Variants in PKD1L3 observed in about 807,000 individuals in gnomAD.
PKD1L3 encodes polycystin-1-like protein 3.
Under a neutral mutation model 184.1 loss-of-function variants are expected in PKD1L3, and 239 were observed. That is an observed-to-expected ratio of 1.30 (90% CI 1.17 to 1.45). The LOEUF is 1.45. Ranked by LOEUF, PKD1L3 falls within the 40% of genes most tolerant of loss-of-function variation. The pLI, the probability that PKD1L3 is intolerant of heterozygous loss-of-function variation, is 0.00. For missense variants in PKD1L3, 2,660 were observed against 2,067.2 expected (o/e 1.29, Z -5.56); for synonymous variants, 996 against 778.8 (o/e 1.28, Z -4.64).
At chr16:71,967,563 G>T (rs1466052497) in intron 14 of PKD1L3, among the ~76,000 whole-genome samples, 1 of 152,066 alleles carries the variant, frequency 6.6e-6, no homozygotes, top group African/African-American at 2.4e-5. Context: ...CTCCCAAGTT[G>T]AAGCAATTTT....
chr16:71,985,675 C>T (rs2040331464), intron 5 of PKD1L3, among the ~76,000 whole-genome samples: 1 of 152,196 alleles, frequency 6.6e-6, no homozygotes, highest in Non-Finnish European at 1.5e-5. Flanking sequence ...TTACGTGATC[C>T]TCCACCTCGG....
At chr16:71,945,981 G>A (rs1026379366) in intron 22 of PKD1L3, among the ~76,000 whole-genome samples, 3 of 152,098 alleles carry the variant, frequency 2.0e-5, no homozygotes, top group Non-Finnish European at 4.4e-5. Flanking sequence ...TTTTTGAGAC[G>A]AAGTTCCGCT....
intron 19 of PKD1L3, 123 bp from the exon 20 acceptor site, chr16:71,950,433 G>A (rs2038786286): frequency 1.2e-6 from 1 of 826,940 alleles, no homozygotes; most frequent in East Asian, 2.7e-5. Context: ...AGCAGAGATT[G>A]GACCGTACCC....
Position 71,979,925 on chromosome 16 carries a change from G to A in PKD1L3, c.1272-13C>T. 1 of 1,550,842 alleles carries A rather than the reference G, an allele frequency of 6.4e-7. No homozygotes were observed. The highest frequency in any genetic ancestry group is 8.7e-7 in the Non-Finnish European group (1 of 1,146,850). On this transcript the variant is annotated splice_polypyrimidine_tract_variant and intron_variant, in intron 8 of 29. Coordinates refer to ENST00000620267, the MANE Select transcript of PKD1L3 (RefSeq NM_181536.2). ...TGATATGTTTTGTCTAATGAGAAAA[G>A]TTAAAATGGAAGTCAATTTTTGTGT...
At position 71,935,461 on chromosome 16, in the gene PKD1L3, C is replaced by G. The variant is rs779281816; in HGVS notation, c.4510G>C (p.Asp1504His). The G allele has an allele frequency of 6.4e-6, 10 of 1,552,014 alleles. No homozygotes were observed. In the Admixed American group the frequency reaches 1.2e-4, roughly 18 times the overall value. ...RFFTGKRNILDTSIILISFIL... is the reference protein window; with the variant it reads ...RFFTGKRNILHTSIILISFIL... ...AAGCTAATGAGGATTATACTTGTGT[C>G]CAGAATGTTTCTTTTCCCAGTGAAG... is the stretch of plus-strand genomic sequence containing the variant. Residue 1504 changes from aspartate (D) to histidine (H), a missense_variant, in exon 26 of 30, where the codon GAC becomes CAC. Coordinates refer to ENST00000620267, the MANE Select transcript of PKD1L3 (RefSeq NM_181536.2).
At chr16:71,946,424 C>T (rs2038605713) in intron 22 of PKD1L3, among the ~76,000 whole-genome samples, 1 of 152,052 alleles carries the variant, frequency 6.6e-6, no homozygotes, top group African/African-American at 2.4e-5. Context: ...CATATATAAC[C>T]TCTTGTCAAG....
At chr16:71,977,588 G>A (rs2039981572) in intron 10 of PKD1L3, 121 bp from the exon 11 acceptor site, 1 of 748,434 alleles carries the variant, frequency 1.3e-6, no homozygotes, top group Non-Finnish European at 2.1e-6. Context: ...TTTGAGATGG[G>A]GTCTTGCTAT....
At chr16:71,985,889 A>G (rs72803757) in intron 5 of PKD1L3, among the ~76,000 whole-genome samples, 21,246 of 152,144 alleles carry the variant, frequency 0.14, 1,913 homozygotes, top group Non-Finnish European at 0.19. Context: ...TTTTGGGAGG[A>G]AGGAAACAAG....
chr16:71,982,227 G>A lies in PKD1L3; in HGVS notation c.975C>T (p.Leu325=), dbSNP rs765747971. ...PRFSKPAQVN[L]INSLIYLSEE... ...CACTCAGGTAAATAAGGGAATTGATGAGATTAACCTGGGAGGATTAGAAAG... is the reference window on the plus strand; with the variant it reads ...CACTCAGGTAAATAAGGGAATTGATAAGATTAACCTGGGAGGATTAGAAAG... Residue 325 remains leucine (L), a synonymous_variant, in exon 7 of 30, where the codon CTC becomes CTT. Transcript: ENST00000620267. 1.4e-6 allele frequency: 2 copies of A among 1,479,548 alleles called. No homozygotes were observed. Among genetic ancestry groups the A allele is most frequent in the South Asian group, 2.5e-5 (2 of 81,218 alleles). 91.7% of individuals were successfully genotyped at this position (1,479,548 alleles called of 1,614,324 possible).
chr16:71,969,167 G>A (rs906827724), intron 13 of PKD1L3, among the ~76,000 whole-genome samples: 4 of 151,648 alleles, frequency 2.6e-5, no homozygotes, highest in Non-Finnish European at 5.9e-5. Context: ...CTGACCTCAG[G>A]TGATCCACCT....
intron 15 of PKD1L3, 39 bp from the exon 16 acceptor site, chr16:71,963,390 C>A (rs2039361531): frequency 6.6e-7 from 1 of 1,507,112 alleles, no homozygotes; most frequent in South Asian, 1.3e-5. Flanking sequence ...GGGAGATGGG[C>A]TTGAATCAGT....
chr16:71,997,928 C>CCTT (rs2040851339), intron 2 of PKD1L3, among the ~76,000 whole-genome samples: 1 of 152,166 alleles, frequency 6.6e-6, no homozygotes, highest in Non-Finnish European at 1.5e-5. Context: ...CTCTTCTCCT[C>CCTT]CTTCTCTTTC....
At chr16:71,947,660 AG>A (rs1342361303) in intron 21 of PKD1L3, 69 bp from the exon 22 acceptor site, 2 of 1,046,486 alleles carry the variant, frequency 1.9e-6, no homozygotes, top group Non-Finnish European at 2.8e-6. Context: ...CCGTATGTAA[AG>A]GAAGAGGTGG....
At chr16:71,976,843 G>C (rs8047848) in intron 11 of PKD1L3, among the ~76,000 whole-genome samples, 117,921 of 151,668 alleles carry the variant, frequency 0.78, 46,092 homozygotes, top group South Asian at 0.86. Flanking sequence ...CCCAGGTTCA[G>C]GACATTTTCC....
chr16:71,989,061 A>G (rs193206517), intron 4 of PKD1L3, among the ~76,000 whole-genome samples: 2 of 152,324 alleles, frequency 1.3e-5, no homozygotes, highest in East Asian at 3.9e-4. Flanking sequence ...GAAATCATCA[A>G]TATAGCAGAG....
At chr16:71,965,592 T>C (rs2039471448) in intron 15 of PKD1L3, among the ~76,000 whole-genome samples, 1 of 151,850 alleles carries the variant, frequency 6.6e-6, no homozygotes, top group Non-Finnish European at 1.5e-5. Context: ...TCTCACTCTG[T>C]TGCCAAGTTG....
intron 2 of PKD1L3, 25 bp downstream of exon 2, chr16:71,998,247 G>C (rs1325121736): frequency 1.3e-6 from 2 of 1,551,036 alleles, no homozygotes; most frequent in East Asian, 4.9e-5. Context: ...TTGGGTCTTT[G>C]GCAGCATGTA....
intron 22 of PKD1L3, among the ~76,000 whole-genome samples, chr16:71,945,396 A>ATTTATT (rs1439263992): frequency 4.7e-3 from 196 of 41,742 alleles, no homozygotes; most frequent in African/African-American, 0.01. Flanking sequence ...ATATATATAT[A>ATTTATT]TATTTATTTA....
intron 24 of PKD1L3, among the ~76,000 whole-genome samples, chr16:71,940,389 A>C: frequency 6.6e-6 from 1 of 152,182 alleles, no homozygotes; most frequent in Non-Finnish European, 1.5e-5. Flanking sequence ...TAATAGGCTC[A>C]TATACTCAAG....
Sources: allele counts gnomAD v4.1 joint callset (sites outside exome capture counted in the v4.1 genomes callset), GRCh38; gene constraint gnomAD v4.1.1; transcripts MANE v1.5; gene names NCBI Gene and HGNC (gene_info 2026-07-23, HGNC 2026-07-21).